LEMD3: variants seen among roughly 807,000 people sequenced by gnomAD.
The protein encoded by LEMD3 is LEM domain containing 3.
LEMD3 carries 33 observed loss-of-function variants against 95.2 expected under a neutral mutation model. The ratio of observed to expected loss-of-function variants is 0.35; its 90% confidence interval spans 0.26 to 0.46. The LOEUF is 0.46. Among genes scored for constraint, LEMD3 ranks in the 20% least tolerant of loss-of-function variants. The pLI is 1.00. For synonymous variants in LEMD3, 525 were observed against 474.6 expected, an observed-to-expected ratio of 1.11 and a Z score of -1.38; for missense variants, 1,210 against 1,192.8, an observed-to-expected ratio of 1.01 and a Z score of -0.21.
In LEMD3 at chr12:65,246,825, A is replaced by G. The variant is rs1871127110; in HGVS notation, c.*500A>G. ...GCGATTCATTTGCTACGGCTGGAAT[A>G]TGGGAAAATTAATTTGGGCTTAGTG... On this transcript the variant is annotated 3_prime_UTR_variant, in exon 13 of 13. Transcript: ENST00000308330. 6.2e-6 allele frequency: 1 copy of G among 160,918 alleles called. No homozygotes were observed. Among genetic ancestry groups the G allele is most frequent in the Non-Finnish European group, 1.4e-5 (1 of 73,538 alleles). 10.0% of individuals were successfully genotyped at this position (160,918 alleles called of 1,614,324 possible).
intron 1 of LEMD3, among the ~76,000 whole-genome samples, chr12:65,179,983 C>T (rs1868849807): frequency 1.3e-5 from 2 of 151,958 alleles, no homozygotes; most frequent in South Asian, 2.1e-4. Flanking sequence ...CTTGTTCTCT[C>T]GCCCAGGCTG....
chr12:65,176,568 A>G (rs566994112), intron 1 of LEMD3, among the ~76,000 whole-genome samples: 76 of 152,314 alleles, frequency 5.0e-4, no homozygotes, highest in African/African-American at 1.7e-3. Flanking sequence ...TGTGTCCACC[A>G]TGCCAAATAG....
chr12:65,247,538 A>G lies in LEMD3; in HGVS notation c.*1213A>G, dbSNP rs2136359977. ...TTTGTTTCAGTAAACTTACTTTATT[A>G]CTGTTTATGATTTCAGATAAAAATA... On this transcript the variant is annotated 3_prime_UTR_variant, in exon 13 of 13. Coordinates refer to ENST00000308330, the MANE Select transcript of LEMD3 (RefSeq NM_014319.5). The G allele has an allele frequency of 6.6e-6, 1 of 152,296 alleles. No homozygotes were observed. Among genetic ancestry groups the G allele is most frequent in the East Asian group, 1.9e-4 (1 of 5,192 alleles). 9.4% of individuals were successfully genotyped at this position (152,296 alleles called of 1,614,324 possible). A position where few individuals can be genotyped will look rare whatever the true frequency, so the allele number is the denominator to read the frequency against.
Position 65,243,410 on chromosome 12 carries a change from T to C in LEMD3, c.2328T>C (p.Asn776=). The C allele has an allele frequency of 1.3e-6, 2 of 1,599,692 alleles. No homozygotes were observed. Among genetic ancestry groups the C allele is most frequent in the Non-Finnish European group, 1.7e-6 (2 of 1,166,970 alleles). Residue 776 remains asparagine, a synonymous_variant, in exon 10 of 13, where the codon AAT becomes AAC. Transcript: ENST00000308330. ...TAGCATTTCATTTAGATAGAAGAAA[T>C]TCACCACCAAATAGTTTGACACCGT... ...QGQAFHLDRR[N]SPPNSLTPCL... is the part of the protein sequence containing the mutation.
intron 2 of LEMD3, among the ~76,000 whole-genome samples, chr12:65,212,541 A>G (rs1869974263): frequency 6.6e-6 from 1 of 151,756 alleles, no homozygotes; most frequent in Non-Finnish European, 1.5e-5. Flanking sequence ...CATCTCAAAA[A>G]AAAAAAAAAA....
intron 9 of LEMD3, among the ~76,000 whole-genome samples, chr12:65,242,976 G>A (rs1413722110): frequency 2.0e-5 from 3 of 151,880 alleles, no homozygotes; most frequent in East Asian, 1.9e-4. Context: ...TTGCTCCTTC[G>A]TGCCCCAGGA....
chr12:65,197,315 G>A (rs1213045996), intron 1 of LEMD3, among the ~76,000 whole-genome samples: 1 of 152,074 alleles, frequency 6.6e-6, no homozygotes, highest in Non-Finnish European at 1.5e-5. Context: ...AGGTATCATT[G>A]TTTTAGCATT....
chr12:65,235,002 A>G (rs1253370638), intron 4 of LEMD3, among the ~76,000 whole-genome samples: 2 of 152,214 alleles, frequency 1.3e-5, no homozygotes, highest in African/African-American at 4.8e-5. Flanking sequence ...AATGCAAAGC[A>G]TGCCATGATA....
chr12:65,203,229 A>C (rs1869658081), intron 1 of LEMD3, among the ~76,000 whole-genome samples: 1 of 152,082 alleles, frequency 6.6e-6, no homozygotes. Flanking sequence ...CTTGGCAATG[A>C]TCTTGTGCAG....
At chr12:65,242,115 G>A (rs1476597925) in intron 9 of LEMD3, among the ~76,000 whole-genome samples, 1 of 152,168 alleles carries the variant, frequency 6.6e-6, no homozygotes, top group Non-Finnish European at 1.5e-5. Context: ...CCTATAAACT[G>A]AAAATAGAGA....
intron 1 of LEMD3, among the ~76,000 whole-genome samples, chr12:65,178,404 C>T (rs1402561783): frequency 6.6e-6 from 1 of 152,116 alleles, no homozygotes; most frequent in Admixed American, 6.6e-5. Context: ...GATATATCCA[C>T]GGAGACTAGT....
intron 4 of LEMD3, among the ~76,000 whole-genome samples, chr12:65,233,897 C>T (rs1050381462): frequency 2.0e-5 from 3 of 151,966 alleles, no homozygotes; most frequent in Admixed American, 6.6e-5. Flanking sequence ...TGGGGGTATG[C>T]GTGAGTACAC....
At chr12:65,229,214 A>G (rs1473205743) in intron 4 of LEMD3, among the ~76,000 whole-genome samples, 1 of 152,222 alleles carries the variant, frequency 6.6e-6, no homozygotes, top group African/African-American at 2.4e-5. Flanking sequence ...GTTGATGTGA[A>G]TCACATAATT....
chr12:65,214,415 G>T (rs977159560), intron 2 of LEMD3, among the ~76,000 whole-genome samples: 1 of 152,172 alleles, frequency 6.6e-6, no homozygotes, highest in Admixed American at 6.6e-5. Context: ...ATATATATAC[G>T]TAGGAAGGCA....
rs201930700 is a variant in LEMD3, at chr12:65,246,290, C to T, written c.2701C>T (p.Arg901Trp). ...HMNSMSHLRL[R>W]TGLTNSQGSS ...GAACTCCATGTCTCATCTTCGTCTT[C>T]GGACTGGCCTAACCAATTCTCAAGG... The change falls in exon 13 of 13, where the codon CGG becomes TGG. Residue 901 changes from arginine to tryptophan, a missense_variant. Transcript: ENST00000308330. The T allele has an allele frequency of 2.5e-5, 40 of 1,613,458 alleles. No individual in the cohort carries two copies. The highest frequency in any genetic ancestry group is 3.3e-5 in the Admixed American group (2 of 60,006).
At chr12:65,212,659 C>G (rs1349158980) in intron 2 of LEMD3, among the ~76,000 whole-genome samples, 3 of 151,874 alleles carry the variant, frequency 2.0e-5, no homozygotes, top group Non-Finnish European at 4.4e-5. Flanking sequence ...TTTCTCCCTC[C>G]AAAATGAAAA....
chr12:65,194,842 A>ATT (rs1565784578), intron 1 of LEMD3, among the ~76,000 whole-genome samples: 8 of 144,644 alleles, frequency 5.5e-5, no homozygotes, highest in African/African-American at 2.0e-4. Context: ...TATAAATTAT[A>ATT]ATTTAGATTA....
At chr12:65,207,575 G>A (rs1431466347) in intron 1 of LEMD3, among the ~76,000 whole-genome samples, 1 of 152,134 alleles carries the variant, frequency 6.6e-6, no homozygotes, top group Non-Finnish European at 1.5e-5. Flanking sequence ...AAGAGCAAGT[G>A]CTCAGTCTTC....
chr12:65,222,751 A>G (rs2136343839), intron 4 of LEMD3, among the ~76,000 whole-genome samples: 1 of 150,352 alleles, frequency 6.7e-6, no homozygotes, highest in East Asian at 2.0e-4. Flanking sequence ...CTCATTTGAG[A>G]TTTTTTTTTC....
Sources: allele counts gnomAD v4.1 joint callset (sites outside exome capture counted in the v4.1 genomes callset), GRCh38; gene constraint gnomAD v4.1.1; transcripts MANE v1.5; gene names NCBI Gene and HGNC (gene_info 2026-07-23, HGNC 2026-07-21).